KGD4: variants seen among roughly 807,000 people sequenced by gnomAD.
KGD4 encodes alpha-ketoglutarate dehydrogenase component 4.
the KGD4 span, chr5:69,226,404 G>C: frequency 6.3e-7 from 1 of 1,586,760 alleles, no homozygotes; most frequent in East Asian, 2.2e-5. Context: ...ACCCAATGGT[G>C]AGTTGTATTT....
chr5:69,224,534 A>G, the KGD4 span, among the ~76,000 whole-genome samples: 1 of 152,140 alleles, frequency 6.6e-6, no homozygotes, highest in South Asian at 2.1e-4. Flanking sequence ...TTAATTTTCT[A>G]ATTTTCAAAA....
chr5:69,222,112 A>C, the KGD4 span, among the ~76,000 whole-genome samples: 1 of 151,830 alleles, frequency 6.6e-6, no homozygotes, highest in Admixed American at 6.6e-5. Flanking sequence ...TTGGGCATTT[A>C]CCATGTAACA....
At chr5:69,228,056 C>A in the KGD4 span, 1 of 641,458 alleles carries the variant, frequency 1.6e-6, no homozygotes. Context: ...CAATATTTAC[C>A]TTTTGGAATT....
the KGD4 span, chr5:69,229,251 G>A: frequency 3.1e-6 from 5 of 1,603,720 alleles, no homozygotes; most frequent in Non-Finnish European, 3.4e-6. Flanking sequence ...TTTGTCATCA[G>A]ACAATAGAAT....
At chr5:69,221,207 TAGCC>T in the KGD4 span, among the ~76,000 whole-genome samples, 2 of 146,954 alleles carry the variant, frequency 1.4e-5, no homozygotes. Flanking sequence ...AAAAAAAAAT[TAGCC>T]AGGCAGGAGG....
chr5:69,228,023 A>G, the KGD4 span, among the ~76,000 whole-genome samples: 1 of 152,230 alleles, frequency 6.6e-6, no homozygotes, highest in Non-Finnish European at 1.5e-5. Context: ...ATGAAATTAT[A>G]TATAGCCAAC....
chr5:69,222,293 T>C, the KGD4 span, among the ~76,000 whole-genome samples: 5 of 152,082 alleles, frequency 3.3e-5, no homozygotes, highest in Non-Finnish European at 7.4e-5. Context: ...TTTGAGCTGT[T>C]GTAAAGGATA....
chr5:69,228,534 T>C, the KGD4 span: 1 of 713,292 alleles, frequency 1.4e-6, no homozygotes, highest in Non-Finnish European at 2.3e-6. Flanking sequence ...AGGCCAAGAC[T>C]ATGAGAAAGA....
chr5:69,228,916 G>A, the KGD4 span, among the ~76,000 whole-genome samples: 1 of 151,288 alleles, frequency 6.6e-6, no homozygotes, highest in Non-Finnish European at 1.5e-5. Flanking sequence ...TCGGGAGGCT[G>A]AGGCAGGAGA....
At chr5:69,224,399 A>AG in the KGD4 span, among the ~76,000 whole-genome samples, 1 of 152,128 alleles carries the variant, frequency 6.6e-6, no homozygotes, top group East Asian at 1.9e-4. Context: ...CAAAAAAAAA[A>AG]AAAGTCTTTT....
chr5:69,217,942 G>C, the KGD4 span: 1 of 1,612,328 alleles, frequency 6.2e-7, no homozygotes, highest in South Asian at 1.1e-5. Context: ...CGGCGTCGGG[G>C]AGTAAAGGCG....
chr5:69,220,545 G>T, the KGD4 span, among the ~76,000 whole-genome samples: 1 of 151,762 alleles, frequency 6.6e-6, no homozygotes, highest in Non-Finnish European at 1.5e-5. Flanking sequence ...CCTCTGCCCG[G>T]CCGCCCCGTC....
the KGD4 span, chr5:69,217,863 G>T: frequency 6.2e-7 from 1 of 1,614,052 alleles, no homozygotes; most frequent in Non-Finnish European, 8.5e-7. Flanking sequence ...TGCTAGTAGG[G>T]TCGTTCAGGT....
the KGD4 span, among the ~76,000 whole-genome samples, chr5:69,221,245 T>C: frequency 6.6e-6 from 1 of 150,844 alleles, no homozygotes; most frequent in East Asian, 1.9e-4. Context: ...TGTGTACCTG[T>C]AGTCCTAGCT....
chr5:69,226,478 A>G, the KGD4 span: 8 of 983,690 alleles, frequency 8.1e-6, no homozygotes, highest in South Asian at 1.2e-4. Context: ...ATTATAGGCA[A>G]TATTTCTCAT....
the KGD4 span, among the ~76,000 whole-genome samples, chr5:69,223,941 G>C: frequency 7.9e-5 from 12 of 151,522 alleles, no homozygotes; most frequent in East Asian, 2.3e-3. Flanking sequence ...GCGGAGGCAG[G>C]AGAATCACTT....
the KGD4 span, among the ~76,000 whole-genome samples, chr5:69,223,729 A>G: frequency 1.3e-5 from 2 of 152,160 alleles, no homozygotes; most frequent in Admixed American, 1.3e-4. Context: ...AAATGTTAAT[A>G]CTTTTCAAAC....
At chr5:69,221,346 A>T in the KGD4 span, among the ~76,000 whole-genome samples, 1 of 152,242 alleles carries the variant, frequency 6.6e-6, no homozygotes, top group South Asian at 2.1e-4. Flanking sequence ...CAGCCTGTGT[A>T]ACAGAGCAAG....
the KGD4 span, chr5:69,228,243 T>A: frequency 3.1e-4 from 490 of 1,605,442 alleles, 3 homozygotes; most frequent in African/African-American, 5.2e-3. Context: ...CTCACTCTTC[T>A]GTAATTTCAC....
Sources: gnomAD v4.1 joint callset for allele counts (sites outside exome capture counted in the v4.1 genomes callset) on GRCh38, gnomAD v4.1.1 for gene constraint, MANE v1.5 for transcripts, NCBI Gene and HGNC (gene_info 2026-07-23, HGNC 2026-07-21) for gene names.